MACROD2: variants seen among roughly 807,000 people sequenced by gnomAD.
The protein encoded by MACROD2 is ADP-ribose glycohydrolase MACROD2.
MACROD2 carries 36 observed loss-of-function variants against 70.4 expected under a neutral mutation model. The observed-to-expected ratio is 0.51, with a 90% CI of 0.39 to 0.68. The LOEUF (loss-of-function observed/expected upper bound fraction) is 0.68, where lower values mean the gene tolerates loss of function less well. Ranked by LOEUF, MACROD2 falls within the 30% of genes least tolerant of loss-of-function variation. The pLI is 0.00. For synonymous variants in MACROD2, 172 were observed against 178.8 expected (o/e 0.96, Z 0.30); for missense variants, 496 against 538.4 (o/e 0.92, Z 0.78).
At chr20:15,064,367 A>T (rs997930653) in intron 5 of MACROD2, among the ~76,000 whole-genome samples, 3 of 152,130 alleles carry the variant, frequency 2.0e-5, no homozygotes, top group African/African-American at 4.8e-5. Context: ...TCAGATGCTG[A>T]TCTTGTGTAA....
intron 3 of MACROD2, among the ~76,000 whole-genome samples, chr20:14,340,874 A>G (rs1473223091): frequency 6.6e-6 from 1 of 152,184 alleles, no homozygotes; most frequent in Non-Finnish European, 1.5e-5. Flanking sequence ...TGTTTTTATG[A>G]GAAAATGTGA....
At chr20:14,466,937 C>T (rs866455842) in intron 3 of MACROD2, among the ~76,000 whole-genome samples, 17 of 152,054 alleles carry the variant, frequency 1.1e-4, no homozygotes, top group Admixed American at 6.5e-4. Context: ...GGTGTCAGTC[C>T]GCCCCTACTC....
At chr20:14,813,295 G>T (rs114863870) in intron 5 of MACROD2, among the ~76,000 whole-genome samples, 2,018 of 151,774 alleles carry the variant, frequency 0.013, 46 homozygotes, top group African/African-American at 0.046. Context: ...CCATCACCTA[G>T]GTATTAAGCC....
At chr20:14,489,929 C>T (rs1195727151) in intron 3 of MACROD2, among the ~76,000 whole-genome samples, 2 of 151,158 alleles carry the variant, frequency 1.3e-5, no homozygotes, top group Admixed American at 6.6e-5. Context: ...GGCACAATCT[C>T]GGCTCACTGC....
At position 15,300,168 on chromosome 20, in the gene MACROD2, A is replaced by G. The variant is rs35665049; in HGVS notation, c.540+70107A>G. ...TAACTTACAAAATTTACTGTTATTA[A>G]TGTAGCTTAAGACCTTGGCTTTGCT... On this transcript the variant is annotated intron_variant, in intron 6 of 17. Transcript: ENST00000684519. 5.6e-3 allele frequency among the ~76,000 whole-genome samples: 853 copies of G among 152,166 alleles called. 8 individuals are homozygous for G. The highest frequency in any genetic ancestry group is 0.037 in the Middle Eastern group (11 of 294).
chr20:14,556,635 A>G (rs1979050255), intron 4 of MACROD2, among the ~76,000 whole-genome samples: 1 of 152,062 alleles, frequency 6.6e-6, no homozygotes, highest in Admixed American at 6.6e-5. Context: ...TCATTCCCAT[A>G]CATTGATACT....
intron 6 of MACROD2, among the ~76,000 whole-genome samples, chr20:15,275,244 A>G (rs1031102252): frequency 6.6e-6 from 1 of 152,230 alleles, no homozygotes; most frequent in Non-Finnish European, 1.5e-5. Flanking sequence ...AAAAACAAAC[A>G]AACAAACAAA....
chr20:15,092,950 C>T (rs1413455277), intron 5 of MACROD2, among the ~76,000 whole-genome samples: 2 of 152,058 alleles, frequency 1.3e-5, no homozygotes, highest in East Asian at 1.9e-4. Context: ...TGGCATTAGC[C>T]TCTGAGTAAA....
intron 3 of MACROD2, among the ~76,000 whole-genome samples, chr20:14,102,901 A>G (rs187201894): frequency 2.8e-4 from 43 of 152,220 alleles, no homozygotes; most frequent in Admixed American, 6.5e-4. Flanking sequence ...GCTTCTAGCT[A>G]TTAGGATCTC....
At chr20:14,875,245 G>A (rs1442525042) in intron 5 of MACROD2, among the ~76,000 whole-genome samples, 5 of 151,920 alleles carry the variant, frequency 3.3e-5, no homozygotes, top group African/African-American at 4.8e-5. Context: ...GCCAGGCGTG[G>A]TGGCACGTGC....
chr20:15,120,424 TAC>T (rs1345877178), intron 5 of MACROD2, among the ~76,000 whole-genome samples: 1 of 152,136 alleles, frequency 6.6e-6, no homozygotes, highest in African/African-American at 2.4e-5. Context: ...AATGAACAAA[TAC>T]ACAGACTCTT....
chr20:14,149,757 CAT>C (rs2054992184), intron 3 of MACROD2, among the ~76,000 whole-genome samples: 1 of 152,052 alleles, frequency 6.6e-6, no homozygotes, highest in Admixed American at 6.6e-5. Context: ...AGCATTTTTG[CAT>C]ATGTTTGTTG....
At chr20:15,550,756 C>T (rs944014453) in intron 8 of MACROD2, among the ~76,000 whole-genome samples, 16 of 152,178 alleles carry the variant, frequency 1.1e-4, no homozygotes, top group African/African-American at 3.6e-4. Context: ...ACAACAGGCA[C>T]TGGGCTAAAT....
rs1601161491 is a variant in MACROD2 at position 15,933,304 on chromosome 20, T to A, written c.804T>A (p.Ser268Arg). 1.2e-6 allele frequency: 2 copies of A among 1,613,300 alleles called. No homozygotes were observed. Among genetic ancestry groups the A allele is most frequent in the African/African-American group, 1.3e-5 (1 of 74,896 alleles). ...SDENGPEEKQ[S>R]VEEMEEQSQD... ...AGAACGGTCCAGAGGAGAAGCAAAGTGTGGAAGAAATGGAAGAGCAGAGCC... is the reference window on the plus strand; with the variant it reads ...AGAACGGTCCAGAGGAGAAGCAAAGAGTGGAAGAAATGGAAGAGCAGAGCC... The change falls in exon 11 of 18, where the codon AGT (serine) becomes AGA (arginine). Residue 268 changes from serine to arginine, a missense_variant. By Grantham distance (110) the Ser-to-Arg change is moderately radical. Coordinates refer to ENST00000684519, the MANE Select transcript of MACROD2 (RefSeq NM_001351661.2).
chr20:15,274,345 G>T (rs554130631), intron 6 of MACROD2, among the ~76,000 whole-genome samples: 1 of 152,278 alleles, frequency 6.6e-6, no homozygotes, highest in East Asian at 1.9e-4. Flanking sequence ...ACCCATTTGT[G>T]CTGGGGCTGT....
At chr20:14,554,309 G>A (rs1161371829) in intron 4 of MACROD2, 1 of 152,068 alleles carries the variant, frequency 6.6e-6, no homozygotes, top group Non-Finnish European at 1.5e-5. Flanking sequence ...GAAGGGCGTG[G>A]TCAGGCTAGA....
chr20:15,767,344 G>A (rs574407840), intron 8 of MACROD2, among the ~76,000 whole-genome samples: 2 of 151,964 alleles, frequency 1.3e-5, no homozygotes, highest in East Asian at 3.9e-4. Flanking sequence ...TCTGTGCACC[G>A]CATGATGCAG....
At chr20:15,933,019 C>T (rs113865022) in intron 10 of MACROD2, among the ~76,000 whole-genome samples, 2,667 of 152,182 alleles carry the variant, frequency 0.018, 77 homozygotes, top group African/African-American at 0.061. Flanking sequence ...GACTTGTTAC[C>T]GGGACTGCTG....
rs1209873649 is a variant in MACROD2, at chr20:14,325,489, G to A, written c.272-167990G>A. ...TTTCCAGTGTTTTGCAGTAGAACAG[G>A]GTTCCTACCATCACCTCCCTTAGGT... On this transcript the variant is annotated intron_variant, in intron 3 of 17. Transcript: ENST00000684519. 7 of 1,486,006 alleles carry A rather than the reference G, an allele frequency of 4.7e-6. No homozygotes were observed. The African/African-American group carries it at 9.8e-5, about 21-fold the overall frequency. 92.1% of individuals were successfully genotyped at this position (1,486,006 alleles called of 1,614,324 possible).
Sources: gnomAD v4.1 joint callset for allele counts (sites outside exome capture counted in the v4.1 genomes callset) on GRCh38, gnomAD v4.1.1 for gene constraint, MANE v1.5 for transcripts, NCBI Gene and HGNC (gene_info 2026-07-23, HGNC 2026-07-21) for gene names.